RBFOX1: variants seen among roughly 807,000 people sequenced by gnomAD.
RBFOX1 encodes RNA binding fox-1 homolog 1, also known as RNA binding protein fox-1 homolog 1.
RBFOX1 carries 8 observed loss-of-function variants against 57.7 expected under a neutral mutation model. The observed-to-expected ratio is 0.14, with a 90% CI of 0.08 to 0.25. The LOEUF (loss-of-function observed/expected upper bound fraction) is 0.25, where lower values mean the gene tolerates loss of function less well. Among genes scored for constraint, RBFOX1 ranks in the 10% least tolerant of loss-of-function variants. The probability of loss-of-function intolerance (pLI) is 1.00; values close to 1 mark genes in which losing one functional copy is unlikely to be tolerated. For missense variants in RBFOX1, 611 were observed against 548.5 expected, an observed-to-expected ratio of 1.11 and a Z score of -1.14; for synonymous variants, 326 against 222.4, an observed-to-expected ratio of 1.47 and a Z score of -4.15.
chr16:5,720,983 T>G (rs1224009939), intron 3 of RBFOX1, among the ~76,000 whole-genome samples: 1 of 152,214 alleles, frequency 6.6e-6, no homozygotes, highest in Non-Finnish European at 1.5e-5. Flanking sequence ...AGTGAAAATT[T>G]GGTAGGGATT....
intron 2 of RBFOX1, among the ~76,000 whole-genome samples, chr16:6,562,685 G>C (rs1248499080): frequency 2.0e-5 from 3 of 152,030 alleles, no homozygotes; most frequent in Non-Finnish European, 4.4e-5. Flanking sequence ...CTCTTACTTG[G>C]AACCAGGTGA....
intron 4 of RBFOX1, among the ~76,000 whole-genome samples, chr16:7,420,975 G>A (rs56817207): frequency 0.75 from 110,016 of 147,326 alleles, 41,977 homozygotes; most frequent in African/African-American, 0.93. Flanking sequence ...ATATATATAT[G>A]TAGTCCTGCG....
intron 3 of RBFOX1, among the ~76,000 whole-genome samples, chr16:6,806,762 T>A (rs1420471725): frequency 1.5e-5 from 2 of 132,926 alleles, no homozygotes; most frequent in Non-Finnish European, 3.4e-5. Flanking sequence ...TTTTCTATTT[T>A]TTCTTTGTTT....
At chr16:5,679,334 C>G (rs78699296) in intron 3 of RBFOX1, among the ~76,000 whole-genome samples, 1 of 142,120 alleles carries the variant, frequency 7.0e-6, no homozygotes, top group South Asian at 2.2e-4. Flanking sequence ...AATTCTCTCT[C>G]TTTTTTTTTT....
chr16:5,670,937 C>G (rs1336578295), intron 3 of RBFOX1, among the ~76,000 whole-genome samples: 1 of 152,216 alleles, frequency 6.6e-6, no homozygotes, highest in African/African-American at 2.4e-5. Flanking sequence ...TATTGAGGCT[C>G]AGAGAGCACA....
chr16:7,303,864 C>T (rs936008646), intron 4 of RBFOX1, among the ~76,000 whole-genome samples: 3 of 148,062 alleles, frequency 2.0e-5, no homozygotes, highest in South Asian at 4.5e-4. Flanking sequence ...CCCTCCCTCT[C>T]GCTATCCTTG....
intron 4 of RBFOX1, among the ~76,000 whole-genome samples, chr16:7,162,710 C>G (rs113426642): frequency 1.1e-4 from 16 of 152,000 alleles, no homozygotes; most frequent in African/African-American, 3.6e-4. Context: ...CCCTGGGTAA[C>G]AGAGTGAGAC....
intron 2 of RBFOX1, among the ~76,000 whole-genome samples, chr16:5,525,621 C>T (rs1282348140): frequency 6.7e-6 from 1 of 150,282 alleles, no homozygotes; most frequent in East Asian, 2.0e-4. Context: ...CCTCAGCCTA[C>T]TGAGTAGCTG....
chr16:7,034,624 C>T (rs555180709), intron 3 of RBFOX1, among the ~76,000 whole-genome samples: 3 of 151,768 alleles, frequency 2.0e-5, no homozygotes, highest in Non-Finnish European at 4.4e-5. Flanking sequence ...TTGTGTCTAT[C>T]TCATTGAAGA....
At chr16:6,450,800 T>C (rs1423362501) in intron 2 of RBFOX1, among the ~76,000 whole-genome samples, 194 of 14,720 alleles carry the variant, frequency 0.013, 3 homozygotes, top group African/African-American at 0.025. Context: ...CATATATATA[T>C]GTATATATAT....
chr16:5,629,426 G>A (rs1205929838), intron 3 of RBFOX1, among the ~76,000 whole-genome samples: 1 of 152,212 alleles, frequency 6.6e-6, no homozygotes, highest in Admixed American at 6.5e-5. Flanking sequence ...GTGTCTTCAG[G>A]ACATTGGCTA....
chr16:5,818,861 A>G (rs73514224), intron 3 of RBFOX1, among the ~76,000 whole-genome samples: 4,698 of 152,186 alleles, frequency 0.031, 196 homozygotes, highest in African/African-American at 0.099. Flanking sequence ...GACTCCTTTT[A>G]TGTCCCATAG....
At chr16:5,382,426 A>G (rs908943974) in intron 1 of RBFOX1, among the ~76,000 whole-genome samples, 13 of 151,162 alleles carry the variant, frequency 8.6e-5, no homozygotes, top group African/African-American at 3.2e-4. Flanking sequence ...TGCCAACACT[A>G]TTTTTAAGTA....
chr16:7,415,974 T>A (rs770728588), intron 4 of RBFOX1, among the ~76,000 whole-genome samples: 5 of 152,204 alleles, frequency 3.3e-5, no homozygotes, highest in Non-Finnish European at 7.3e-5. Flanking sequence ...AACTTAGGAC[T>A]GTCTTCTCTC....
intron 3 of RBFOX1, among the ~76,000 whole-genome samples, chr16:6,722,822 G>A (rs969349297): frequency 1.3e-5 from 2 of 152,122 alleles, no homozygotes; most frequent in Admixed American, 1.3e-4. Context: ...TGGGTACATT[G>A]GCTGCAATAT....
intron 4 of RBFOX1, among the ~76,000 whole-genome samples, chr16:5,954,192 G>A (rs1210513912): frequency 6.6e-6 from 1 of 152,182 alleles, no homozygotes; most frequent in Non-Finnish European, 1.5e-5. Flanking sequence ...TCAGTTTGAA[G>A]AATGCTTCAT....
At chr16:6,678,182 G>A (rs2058060452) in intron 3 of RBFOX1, among the ~76,000 whole-genome samples, 1 of 152,198 alleles carries the variant, frequency 6.6e-6, no homozygotes, top group Non-Finnish European at 1.5e-5. Flanking sequence ...GGAGTGCAGT[G>A]GCACAATCTC....
intron 4 of RBFOX1, among the ~76,000 whole-genome samples, chr16:7,351,376 C>T (rs574765000): frequency 1.3e-5 from 2 of 152,386 alleles, no homozygotes; most frequent in East Asian, 3.9e-4. Flanking sequence ...TTAATCACCA[C>T]TACGTGCAAG....
At chr16:5,348,126 C>G (rs914252722) in intron 1 of RBFOX1, among the ~76,000 whole-genome samples, 6 of 151,034 alleles carry the variant, frequency 4.0e-5, no homozygotes, top group Admixed American at 6.6e-5. Context: ...ATCCATCCAC[C>G]CACCTATCCA....
Sources: allele counts gnomAD v4.1 joint callset (sites outside exome capture counted in the v4.1 genomes callset), GRCh38; gene constraint gnomAD v4.1.1; transcripts MANE v1.5; gene names NCBI Gene and HGNC (gene_info 2026-07-23, HGNC 2026-07-21).